ZNF486: variants seen among roughly 807,000 people sequenced by gnomAD.
The protein encoded by ZNF486 is zinc finger protein 486.
Under a neutral mutation model 12.8 loss-of-function variants are expected in ZNF486, and 12 were observed. That is an observed-to-expected ratio of 0.94 (90% CI 0.60 to 1.52). ZNF486 has a LOEUF of 1.52. Among genes scored for constraint, ZNF486 ranks in the 40% most tolerant of loss-of-function variants. The pLI is 0.00. For synonymous variants in ZNF486, 231 were observed against 184.9 expected (o/e 1.25, Z -2.02); for missense variants, 738 against 545.0 (o/e 1.35, Z -3.53).
chr19:20,197,010 A>G lies in ZNF486; in HGVS notation c.300A>G (p.Ile100Met), dbSNP rs782309059. The change falls in exon 4 of 4, where the codon ATA becomes ATG. Residue 100 changes from isoleucine to methionine, a missense_variant. Physicochemically the swap from Ile to Met is conservative, Grantham distance 10 (BLOSUM62 1). Transcript: ENST00000335117. ...AAGACCTTTGGCCAGAGCAGAGCATAAAAGATTCTTACCAAAAAGTGATAC... is the reference window on the plus strand; with the variant it reads ...AAGACCTTTGGCCAGAGCAGAGCATGAAAGATTCTTACCAAAAAGTGATAC... ...FAQDLWPEQS[I>M]KDSYQKVILR... 4 of 1,602,104 alleles carry G rather than the reference A, an allele frequency of 2.5e-6. No individual in the cohort carries two copies. The South Asian group carries it at 4.5e-5, about 18-fold the overall frequency.
intron 3 of ZNF486, chr19:20,188,715 C>G: frequency 2.8e-6 from 1 of 356,382 alleles, no homozygotes; most frequent in Admixed American, 4.7e-5. Context: ...TAAAATACTT[C>G]TAGACACTTT....
chr19:20,195,607 C>T (rs1555717791), intron 3 of ZNF486, among the ~76,000 whole-genome samples: 1 of 152,134 alleles, frequency 6.6e-6, no homozygotes, highest in East Asian at 1.9e-4. Context: ...TGGAAATTAA[C>T]AAAAAGCTAC....
Position 20,186,078 on chromosome 19 carries a change from C to A in ZNF486, c.249C>A (p.Pro83=), listed in dbSNP as rs974338464. 1 of 1,580,018 alleles carries A rather than the reference C, an allele frequency of 6.3e-7. No individual in the cohort carries two copies. The highest frequency in any genetic ancestry group is 1.2e-5 in the South Asian group (1 of 84,704). ...AGAGACATGAGATGATTGCCAAACC[C>A]CCAGGTAGGTGCGAATGAAAATGAA... The part of the protein sequence containing the change: ...TMKRHEMIAK[P]PVVCSHFAQD... Residue 83 remains proline (P), a synonymous_variant, in exon 3 of 4, where the codon CCC becomes CCA. Transcript: ENST00000335117.
At chr19:20,167,736 CTT>C (rs1568313814) in intron 1 of ZNF486, among the ~76,000 whole-genome samples, 1 of 152,094 alleles carries the variant, frequency 6.6e-6, no homozygotes, top group African/African-American at 2.4e-5. Flanking sequence ...CACAGTTTCT[CTT>C]TTCTTTTGTT....
intron 1 of ZNF486, among the ~76,000 whole-genome samples, chr19:20,169,976 C>T (rs1356831622): frequency 4.0e-5 from 6 of 150,384 alleles, no homozygotes; most frequent in Admixed American, 1.3e-4. Flanking sequence ...CTGCAAGCTC[C>T]GCCTCCCGGG....
chr19:20,167,884 A>C (rs1437640928), intron 1 of ZNF486, among the ~76,000 whole-genome samples: 5 of 152,122 alleles, frequency 3.3e-5, no homozygotes, highest in African/African-American at 1.2e-4. Flanking sequence ...CTTCCTGATC[A>C]GAAGTTGTAA....
At position 20,197,150 on chromosome 19, in the gene ZNF486, C is replaced by G. The variant is rs782657381; in HGVS notation, c.440C>G (p.Thr147Arg). 5 of 1,613,638 alleles carry G rather than the reference C, an allele frequency of 3.1e-6. No individual in the cohort carries two copies. The South Asian group carries it at 4.4e-5, about 14-fold the overall frequency. The change falls in exon 4 of 4, where the codon ACA (threonine) becomes AGA (arginine). Residue 147 changes from threonine (T) to arginine (R), a missense_variant. Coordinates refer to ENST00000335117, the MANE Select transcript of ZNF486 (RefSeq NM_052852.4). ...RGYNGLNQCL[T>R]TTQSKIFQCG... ...TATAATGGACTTAACCAATGTTTGA[C>G]AACTACCCAGAGCAAAATATTTCAA... is the stretch of plus-strand genomic sequence containing the variant.
intron 3 of ZNF486, among the ~76,000 whole-genome samples, chr19:20,196,383 C>T (rs1337142765): frequency 1.3e-5 from 2 of 152,138 alleles, no homozygotes; most frequent in Non-Finnish European, 1.5e-5. Flanking sequence ...GGCCGGAGTG[C>T]AGTGGTGCAA....
At chr19:20,195,428 A>G (rs527302071) in intron 3 of ZNF486, among the ~76,000 whole-genome samples, 2 of 152,264 alleles carry the variant, frequency 1.3e-5, no homozygotes, top group Admixed American at 6.5e-5. Context: ...TTGATCTTCC[A>G]GTGTGTTGGG....
intron 1 of ZNF486, among the ~76,000 whole-genome samples, chr19:20,181,257 A>T (rs1237501479): frequency 1.3e-5 from 2 of 151,546 alleles, no homozygotes; most frequent in African/African-American, 4.8e-5. Flanking sequence ...AGGGAAAAAT[A>T]GTCCGGGCGC....
chr19:20,171,802 A>G (rs1468015510), intron 1 of ZNF486, among the ~76,000 whole-genome samples: 1 of 152,014 alleles, frequency 6.6e-6, no homozygotes, highest in Non-Finnish European at 1.5e-5. Flanking sequence ...TGTTGTGCAG[A>G]TTATTTTGTC....
intron 1 of ZNF486, among the ~76,000 whole-genome samples, chr19:20,170,005 C>T (rs2089630993): frequency 1.3e-5 from 2 of 151,480 alleles, no homozygotes; most frequent in South Asian, 2.1e-4. Context: ...ATTCTCCTGC[C>T]TCAGCCTCCC....
At chr19:20,196,775 A>AT (rs1431153923) in intron 3 of ZNF486, among the ~76,000 whole-genome samples, 189 bp from the exon 4 acceptor site, 2 of 152,080 alleles carry the variant, frequency 1.3e-5, no homozygotes, top group African/African-American at 4.8e-5. Flanking sequence ...TCACTTATAA[A>AT]TTTTTTACAA....
intron 1 of ZNF486, among the ~76,000 whole-genome samples, chr19:20,179,284 T>G (rs145820451): frequency 6.6e-6 from 1 of 152,334 alleles, no homozygotes; most frequent in Non-Finnish European, 1.5e-5. Flanking sequence ...ATCAATGTTA[T>G]TTATGTAAAT....
chr19:20,191,127 ACTT>A (rs1164022826), intron 3 of ZNF486, among the ~76,000 whole-genome samples: 4 of 152,108 alleles, frequency 2.6e-5, no homozygotes, highest in Non-Finnish European at 4.4e-5. Context: ...GCTAGCACAC[ACTT>A]CTTATAGTCT....
intron 1 of ZNF486, among the ~76,000 whole-genome samples, chr19:20,181,547 A>AC (rs2089787299): frequency 2.0e-5 from 3 of 151,708 alleles, no homozygotes; most frequent in African/African-American, 7.3e-5. Context: ...AAAAAACAAA[A>AC]AAAAAAAAAG....
chr19:20,197,778 C>T lies in ZNF486; in HGVS notation c.1068C>T (p.Gly356=). Residue 356 remains glycine (G), a synonymous_variant, in exon 4 of 4, where the codon GGC becomes GGT. Coordinates refer to ENST00000335117, the MANE Select transcript of ZNF486 (RefSeq NM_052852.4). The part of the protein sequence containing the change: ...GEKPYKCEEC[G]KAFTRSSHLT... ...AACCCTACAAATGTGAAGAATGTGG[C>T]AAAGCCTTCACCCGCTCCTCACACC... 1 of 1,613,898 alleles carries T rather than the reference C, an allele frequency of 6.2e-7. No individual in the cohort carries two copies. Among genetic ancestry groups the T allele is most frequent in the South Asian group, 1.1e-5 (1 of 91,074 alleles).
At position 20,200,301 on chromosome 19, in the gene ZNF486, A is replaced by T. The variant is rs563018720; in HGVS notation, c.*2199A>T. ...GTAAGGACATTAAAATGTAAGATGC[A>T]TGATGAAAATATAAGTGGAGAGGCT... On this transcript the variant is annotated 3_prime_UTR_variant, in exon 4 of 4. Transcript: ENST00000335117. 1 of 152,254 alleles carries T rather than the reference A, an allele frequency of 6.6e-6. No homozygotes were observed. Among genetic ancestry groups the T allele is most frequent in the East Asian group, 1.9e-4 (1 of 5,182 alleles). 9.4% of individuals were successfully genotyped at this position (152,254 alleles called of 1,614,324 possible). A position where few individuals can be genotyped will look rare whatever the true frequency, so the allele number is the denominator to read the frequency against.
chr19:20,178,741 C>G (rs1303356853), intron 1 of ZNF486, among the ~76,000 whole-genome samples: 1 of 152,174 alleles, frequency 6.6e-6, no homozygotes, highest in Non-Finnish European at 1.5e-5. Context: ...TATCTATAGT[C>G]CTGTACATTC....
Sources: allele counts gnomAD v4.1 joint callset (sites outside exome capture counted in the v4.1 genomes callset), GRCh38; gene constraint gnomAD v4.1.1; transcripts MANE v1.5; gene names NCBI Gene and HGNC (gene_info 2026-07-23, HGNC 2026-07-21).